The following ATP8B1 variants were observed in gnomAD, a reference collection of about 807,000 sequenced individuals.
The protein encoded by ATP8B1 is ATPase phospholipid transporting 8B1, also known as phospholipid-transporting ATPase IC.
Under a neutral mutation model 149.9 loss-of-function variants are expected in ATP8B1, and 80 were observed. The observed-to-expected ratio is 0.53, with a 90% CI of 0.45 to 0.64. The LOEUF (loss-of-function observed/expected upper bound fraction) is 0.64. ATP8B1 is among the 30% of genes least tolerant of loss of function. The probability of loss-of-function intolerance (pLI) is 0.00; values close to 1 mark genes in which losing one functional copy is unlikely to be tolerated. For synonymous variants in ATP8B1, 536 were observed against 562.8 expected (o/e 0.95, Z 0.67); for missense variants, 1,247 against 1,552.6 (o/e 0.80, Z 3.31).
intron 24 of ATP8B1, 108 bp downstream of exon 24, chr18:57,653,884 G>C: frequency 2.0e-6 from 2 of 1,015,618 alleles, no homozygotes; most frequent in Non-Finnish European, 3.0e-6. Context: ...AATAGGGTTT[G>C]ATCAGAAAGA....
chr18:57,717,322 G>C (rs2079591636), intron 2 of ATP8B1, among the ~76,000 whole-genome samples: 1 of 151,920 alleles, frequency 6.6e-6, no homozygotes, highest in Non-Finnish European at 1.5e-5. Flanking sequence ...GAGGTGGGCA[G>C]ATCATGAGGT....
intron 1 of ATP8B1, chr18:57,755,267 T>C (rs2080065686): frequency 6.6e-6 from 1 of 152,128 alleles, no homozygotes; most frequent in African/African-American, 2.4e-5. Flanking sequence ...AATGCTAGCA[T>C]CCTACATAAA....
At chr18:57,702,794 T>G (rs1211698354) in intron 4 of ATP8B1, among the ~76,000 whole-genome samples, 1 of 149,586 alleles carries the variant, frequency 6.7e-6, no homozygotes, top group African/African-American at 2.5e-5. Flanking sequence ...GAGGCAGAGG[T>G]TTTGGTGAGC....
intron 1 of ATP8B1, among the ~76,000 whole-genome samples, chr18:57,759,256 AC>A (rs1216118514): frequency 2.7e-5 from 4 of 150,244 alleles, no homozygotes. Flanking sequence ...CTCATCTACC[AC>A]CCTAGGTCCT....
chr18:57,681,661 C>T (rs1450243829), intron 15 of ATP8B1, among the ~76,000 whole-genome samples: 5 of 151,914 alleles, frequency 3.3e-5, no homozygotes, highest in African/African-American at 9.7e-5. Context: ...ATTAGCTGGG[C>T]GTGGTGGTGG....
chr18:57,749,543 A>T (rs1048285055), intron 1 of ATP8B1, among the ~76,000 whole-genome samples: 6 of 152,202 alleles, frequency 3.9e-5, no homozygotes, highest in African/African-American at 1.4e-4. Context: ...TATATTCAAC[A>T]TGTTACCAAC....
chr18:57,780,267 A>G (rs556581202), intron 1 of ATP8B1, among the ~76,000 whole-genome samples: 1 of 152,352 alleles, frequency 6.6e-6, no homozygotes, highest in Non-Finnish European at 1.5e-5. Flanking sequence ...CAACTTGTGA[A>G]ATTTGTTTAA....
chr18:57,667,033 A>C, intron 20 of ATP8B1, 59 bp downstream of exon 20: 2 of 1,424,934 alleles, frequency 1.4e-6, no homozygotes. Context: ...TTCTACAGAC[A>C]GTCTTGCATT....
intron 1 of ATP8B1, among the ~76,000 whole-genome samples, chr18:57,755,719 G>A (rs931908469): frequency 6.6e-6 from 1 of 152,106 alleles, no homozygotes; most frequent in Admixed American, 6.6e-5. Flanking sequence ...TTTAAAAAGC[G>A]GTTAGAGGTG....
intron 1 of ATP8B1, among the ~76,000 whole-genome samples, chr18:57,762,953 T>C (rs1277004777): frequency 6.6e-6 from 1 of 152,182 alleles, no homozygotes; most frequent in Non-Finnish European, 1.5e-5. Context: ...GATCCAAAGA[T>C]AACTGGCACT....
In ATP8B1 at chr18:57,802,752, G is replaced by C. The variant is rs1281631699; in HGVS notation, c.-26+246C>G. On this transcript the variant is annotated intron_variant, in intron 1 of 27. Transcript: ENST00000648908. This position sits in a 1 kb window ranked among gnomAD's most constrained non-coding sequence, Gnocchi z 4.9. ...TCCTCTAGGCAGGTGAAAACCCCAC[G>C]GAACTCTCCGCAGCGCTGCCTGCCC... 1.3e-5 allele frequency among the ~76,000 whole-genome samples: 2 copies of C among 152,142 alleles called. No homozygotes were observed. The highest frequency in any genetic ancestry group is 1.9e-4 in the East Asian group (1 of 5,172).
At chr18:57,671,397 T>C in intron 17 of ATP8B1, 71 bp downstream of exon 17, 2 of 1,322,414 alleles carry the variant, frequency 1.5e-6, no homozygotes, top group Non-Finnish European at 2.2e-6. Context: ...ACAGCTTTCA[T>C]GCAAACTTAA....
intron 1 of ATP8B1, among the ~76,000 whole-genome samples, chr18:57,765,318 A>G (rs1380336437): frequency 6.6e-6 from 1 of 152,168 alleles, no homozygotes; most frequent in Non-Finnish European, 1.5e-5. Flanking sequence ...CTGGAGGTGG[A>G]TGGCGGTGAT....
At position 57,648,273 on chromosome 18, in the gene ATP8B1, A is replaced by G. The variant is rs778781391; in HGVS notation, c.*215T>C. 1 of 661,158 alleles carries G rather than the reference A, an allele frequency of 1.5e-6. No individual in the cohort carries two copies. Among genetic ancestry groups the G allele is most frequent in the African/African-American group, 1.8e-5 (1 of 55,736 alleles). 41.0% of individuals were successfully genotyped at this position (661,158 alleles called of 1,614,324 possible). A position where few individuals can be genotyped will look rare whatever the true frequency, so the allele number is the denominator to read the frequency against. On this transcript the variant is annotated 3_prime_UTR_variant, in exon 28 of 28. Transcript: ENST00000648908. Reference sequence around the variant, plus strand: ...AGTGCTGGGATTACAGACCTGAGCCACCACGCCCGGCCGAATAATAGGACT... The same window carrying G: ...AGTGCTGGGATTACAGACCTGAGCCGCCACGCCCGGCCGAATAATAGGACT...
intron 24 of ATP8B1, among the ~76,000 whole-genome samples, chr18:57,653,680 CTCTTTTTTTTTT>C (rs1299808838): frequency 9.2e-6 from 1 of 108,228 alleles, no homozygotes; most frequent in Non-Finnish European, 2.1e-5. Context: ...ATCCTCTTTT[CTCTTTTTTTTTT>C]TTTTTTTTTT....
chr18:57,732,907 T>A (rs2079803438), intron 1 of ATP8B1, among the ~76,000 whole-genome samples: 1 of 152,176 alleles, frequency 6.6e-6, no homozygotes, highest in Admixed American at 6.5e-5. Context: ...ACCACTGCTC[T>A]AAGATATCTG....
At chr18:57,688,257 C>G in intron 13 of ATP8B1, 42 bp downstream of exon 13, 1 of 1,587,488 alleles carries the variant, frequency 6.3e-7, no homozygotes, top group Non-Finnish European at 8.6e-7. Context: ...ACACGGCAGG[C>G]AGCCCCACTC....
intron 12 of ATP8B1, among the ~76,000 whole-genome samples, chr18:57,690,464 C>T (rs1021640512): frequency 3.9e-5 from 6 of 152,200 alleles, no homozygotes; most frequent in African/African-American, 7.2e-5. Context: ...AAAAAGAAAT[C>T]GTATTTGTCA....
At chr18:57,679,995 G>T (rs1017506189) in intron 15 of ATP8B1, among the ~76,000 whole-genome samples, 4 of 151,764 alleles carry the variant, frequency 2.6e-5, no homozygotes, top group African/African-American at 4.8e-5. Flanking sequence ...AAACTACCTG[G>T]CCAGGCATGG....
Sources: allele counts gnomAD v4.1 joint callset (sites outside exome capture counted in the v4.1 genomes callset), GRCh38; gene constraint gnomAD v4.1.1; non-coding constraint Gnocchi (gnomAD v3.1); transcripts MANE v1.5; gene names NCBI Gene and HGNC (gene_info 2026-07-23, HGNC 2026-07-21).